The following CNTNAP2 variants were observed in gnomAD, a reference collection of about 807,000 sequenced individuals.
The protein encoded by CNTNAP2 is contactin-associated protein-like 2.
Under a neutral mutation model 155.2 loss-of-function variants are expected in CNTNAP2, and 98 were observed. That is an observed-to-expected ratio of 0.63 (90% CI 0.54 to 0.75). The LOEUF (loss-of-function observed/expected upper bound fraction) is 0.75. CNTNAP2 is among the 30% of genes least tolerant of loss of function. The pLI is 0.00. For missense variants in CNTNAP2, 1,727 were observed against 1,688.1 expected (o/e 1.02, Z -0.40); for synonymous variants, 651 against 631.2 (o/e 1.03, Z -0.47).
chr7:148,148,778 G>C (rs528069726), intron 17 of CNTNAP2, among the ~76,000 whole-genome samples: 2 of 152,144 alleles, frequency 1.3e-5, no homozygotes, highest in Admixed American at 1.3e-4. Flanking sequence ...GTGTGATGTC[G>C]GCCAACTACA....
intron 3 of CNTNAP2, among the ~76,000 whole-genome samples, chr7:146,933,852 A>G (rs1221618271): frequency 6.6e-6 from 1 of 152,030 alleles, no homozygotes; most frequent in Non-Finnish European, 1.5e-5. Flanking sequence ...GCTCACCATC[A>G]CTGGCCATTA....
At chr7:148,140,555 C>A (rs1805044403) in intron 16 of CNTNAP2, among the ~76,000 whole-genome samples, 1 of 151,960 alleles carries the variant, frequency 6.6e-6, no homozygotes, top group Admixed American at 6.6e-5. Flanking sequence ...TCCCAAGTAG[C>A]CAGATTACAG....
intron 13 of CNTNAP2, among the ~76,000 whole-genome samples, chr7:147,871,145 C>G (rs534452786): frequency 6.6e-6 from 1 of 152,098 alleles, no homozygotes. Flanking sequence ...GTACATTTCA[C>G]TCATTTAATG....
intron 13 of CNTNAP2, among the ~76,000 whole-genome samples, chr7:147,740,527 G>A (rs1325059731): frequency 6.6e-6 from 1 of 152,142 alleles, no homozygotes; most frequent in East Asian, 1.9e-4. Flanking sequence ...GACTCTCTGA[G>A]CTTTTCTCTA....
chr7:146,482,853 T>G (rs1394197904), intron 1 of CNTNAP2, among the ~76,000 whole-genome samples: 1 of 152,150 alleles, frequency 6.6e-6, no homozygotes, highest in Admixed American at 6.5e-5. Context: ...TACATACTCA[T>G]GGTCGAGAAA....
intron 14 of CNTNAP2, among the ~76,000 whole-genome samples, chr7:147,960,070 T>C (rs969346116): frequency 3.3e-5 from 5 of 152,088 alleles, no homozygotes; most frequent in Admixed American, 1.3e-4. Context: ...TGCCAATACA[T>C]CCTTGGCAAG....
intron 8 of CNTNAP2, among the ~76,000 whole-genome samples, chr7:147,214,888 A>C (rs186069395): frequency 1.3e-5 from 2 of 152,292 alleles, no homozygotes; most frequent in East Asian, 3.9e-4. Context: ...GGGAGGCCTC[A>C]GCATACTTAC....
At chr7:147,997,310 T>C (rs2116888745) in intron 15 of CNTNAP2, among the ~76,000 whole-genome samples, 1 of 152,190 alleles carries the variant, frequency 6.6e-6, no homozygotes. Flanking sequence ...TCCCAGCACT[T>C]TGGGAGGCCG....
intron 1 of CNTNAP2, among the ~76,000 whole-genome samples, chr7:146,201,494 G>A (rs533690067): frequency 6.6e-6 from 1 of 152,180 alleles, no homozygotes; most frequent in South Asian, 2.1e-4. Flanking sequence ...AATAGCCTGA[G>A]CCTTACCTTC....
chr7:146,703,549 C>T (rs923426152), intron 1 of CNTNAP2, among the ~76,000 whole-genome samples: 1 of 152,052 alleles, frequency 6.6e-6, no homozygotes, highest in African/African-American at 2.4e-5. Flanking sequence ...GGCTTATAAA[C>T]AACAAACGTG....
rs180999499 is a variant in CNTNAP2 at position 148,235,039 on chromosome 7, C to T, written c.3381+5260C>T. Among the ~76,000 whole-genome samples the T allele has an allele frequency of 2.6e-5, 4 of 152,108 alleles. No homozygotes were observed. In the South Asian group the frequency reaches 8.3e-4, roughly 32 times the overall value. On this transcript the variant is annotated intron_variant, in intron 20 of 23. Transcript: ENST00000361727. The stretch of plus-strand genomic sequence containing the variant: ...CCTTTCTTAGAAAATAATTCTAGGT[C>T]CTCAGGAACAAATGATGATTAGATC...
intron 9 of CNTNAP2, among the ~76,000 whole-genome samples, chr7:147,322,306 A>G (rs936912166): frequency 6.6e-6 from 1 of 152,192 alleles, no homozygotes; most frequent in Non-Finnish European, 1.5e-5. Flanking sequence ...GCAAGGGGGG[A>G]AAGTAATTAT....
intron 3 of CNTNAP2, among the ~76,000 whole-genome samples, chr7:146,843,392 G>A (rs1326783720): frequency 6.6e-6 from 1 of 152,024 alleles, no homozygotes; most frequent in Non-Finnish European, 1.5e-5. Flanking sequence ...GTCCACCCCC[G>A]TGATCCAATC....
chr7:146,732,820 G>A (rs961688371), intron 1 of CNTNAP2, among the ~76,000 whole-genome samples: 2 of 152,014 alleles, frequency 1.3e-5, no homozygotes, highest in Admixed American at 6.6e-5. Flanking sequence ...TAGATTACTT[G>A]TAATACCTAA....
At chr7:147,160,982 T>C (rs146496909) in intron 8 of CNTNAP2, among the ~76,000 whole-genome samples, 1 of 152,170 alleles carries the variant, frequency 6.6e-6, no homozygotes, top group East Asian at 1.9e-4. Flanking sequence ...ATTTTGGAAA[T>C]AACTTAGATT....
intron 8 of CNTNAP2, among the ~76,000 whole-genome samples, chr7:147,173,283 AC>A (rs1191140470): frequency 6.6e-6 from 1 of 151,602 alleles, no homozygotes; most frequent in Non-Finnish European, 1.5e-5. Flanking sequence ...GCCAAGTCCT[AC>A]TTTTTTTTTT....
At chr7:146,813,017 C>A (rs1803096423) in intron 2 of CNTNAP2, among the ~76,000 whole-genome samples, 1 of 152,178 alleles carries the variant, frequency 6.6e-6, no homozygotes, top group African/African-American at 2.4e-5. Flanking sequence ...GTTTGAGAAC[C>A]TCTGCCTAGA....
intron 16 of CNTNAP2, among the ~76,000 whole-genome samples, chr7:148,122,136 T>A (rs1804609579): frequency 6.6e-6 from 1 of 152,156 alleles, no homozygotes; most frequent in African/African-American, 2.4e-5. Context: ...AGCATTCACA[T>A]CTCCATTTTA....
At chr7:147,048,093 G>C (rs904875416) in intron 4 of CNTNAP2, among the ~76,000 whole-genome samples, 2 of 52,452 alleles carry the variant, frequency 3.8e-5, no homozygotes, top group East Asian at 6.5e-4. Context: ...TTTTTTTTTT[G>C]AGATGGAGTC....
Sources: gnomAD v4.1 joint callset for allele counts (sites outside exome capture counted in the v4.1 genomes callset) on GRCh38, gnomAD v4.1.1 for gene constraint, MANE v1.5 for transcripts, NCBI Gene and HGNC (gene_info 2026-07-23, HGNC 2026-07-21) for gene names.